The following ESRRB variants were observed in gnomAD, a reference collection of about 807,000 sequenced individuals.
ESRRB encodes the protein estrogen related receptor beta.
A neutral mutation model predicts 46.0 loss-of-function variants in ESRRB; 16 were observed. The observed-to-expected ratio is 0.35, with a 90% CI of 0.24 to 0.53. ESRRB has a LOEUF of 0.53. Ranked by LOEUF, ESRRB falls within the 20% of genes least tolerant of loss-of-function variation. The pLI, the probability that ESRRB is intolerant of heterozygous loss-of-function variation, is 0.93. For missense variants in ESRRB, 488 were observed against 607.4 expected (o/e 0.80, Z 2.07); for synonymous variants, 246 against 259.6 (o/e 0.95, Z 0.50).
rs112608367 is a variant in ESRRB at position 76,445,482 on chromosome 14, A to G, written c.460+5732A>G. ...ACTCCGTCTCAAAAAAAAAAAAAAA[A>G]AAAGAAAGAAAGAAAGAAAGAAAAG... On this transcript the variant is annotated intron_variant, in intron 2 of 6. Coordinates refer to ENST00000644823, the MANE Select transcript of ESRRB (RefSeq NM_001379180.1). 4.8e-3 allele frequency among the ~76,000 whole-genome samples: 575 copies of G among 120,028 alleles called. 4 individuals are homozygous for G. The highest frequency in any genetic ancestry group is 0.021 in the African/African-American group (491 of 23,098). 78.7% of individuals were successfully genotyped at this position (120,028 alleles called of 152,430 possible). A position where few individuals can be genotyped will look rare whatever the true frequency, so the allele number is the denominator to read the frequency against.
intron 1 of ESRRB, among the ~76,000 whole-genome samples, chr14:76,404,929 C>T (rs1264501307): frequency 1.8e-4 from 28 of 152,200 alleles, no homozygotes; most frequent in Non-Finnish European, 2.2e-4. Context: ...CCAGGAAGCC[C>T]CTCAGAAGGG....
intron 1 of ESRRB, among the ~76,000 whole-genome samples, chr14:76,332,024 C>T (rs930334454): frequency 4.6e-5 from 7 of 151,932 alleles, no homozygotes; most frequent in South Asian, 2.1e-4. Flanking sequence ...CCCTCCCCAA[C>T]CCCAATTTAC....
intron 1 of ESRRB, among the ~76,000 whole-genome samples, chr14:76,311,353 C>A (rs1484035740): frequency 6.6e-6 from 1 of 152,108 alleles, no homozygotes; most frequent in Non-Finnish European, 1.5e-5. Context: ...GGAAGGTTAC[C>A]CAAGAAGACC....
At chr14:76,335,884 C>T (rs192872972) in intron 1 of ESRRB, among the ~76,000 whole-genome samples, 47 of 152,272 alleles carry the variant, frequency 3.1e-4, no homozygotes, top group East Asian at 1.2e-3. Flanking sequence ...ACTTTGCTGG[C>T]GTAGTTAATA....
intron 1 of ESRRB, among the ~76,000 whole-genome samples, chr14:76,328,510 C>G (rs1170132422): frequency 2.0e-5 from 3 of 152,022 alleles, no homozygotes; most frequent in Non-Finnish European, 4.4e-5. Flanking sequence ...TGCCACCGTT[C>G]ATCTAAGGCC....
chr14:76,373,161 G>T (rs1227490090), upstream of ESRRB, among the ~76,000 whole-genome samples: 2 of 152,258 alleles, frequency 1.3e-5, no homozygotes, highest in East Asian at 3.9e-4. Flanking sequence ...TTTCCTTTTG[G>T]CTGACTTGCC....
chr14:76,396,028 C>T (rs1885664392), intron 1 of ESRRB, among the ~76,000 whole-genome samples: 1 of 152,060 alleles, frequency 6.6e-6, no homozygotes, highest in African/African-American at 2.4e-5. Context: ...CAAAAACTAG[C>T]TGGGCATGGT....
intron 2 of ESRRB, among the ~76,000 whole-genome samples, chr14:76,442,211 C>T (rs575570360): frequency 1.9e-4 from 29 of 152,270 alleles, no homozygotes; most frequent in African/African-American, 6.5e-4. Context: ...CGTGGTGGCT[C>T]ACGCCTGTAA....
chr14:76,386,559 C>T (rs755585009), intron 1 of ESRRB, among the ~76,000 whole-genome samples: 26 of 149,826 alleles, frequency 1.7e-4, no homozygotes, highest in East Asian at 2.0e-4. Context: ...CGGGTTCAAG[C>T]GATTCTCCTG....
intron 1 of ESRRB, among the ~76,000 whole-genome samples, chr14:76,329,055 G>A (rs908552167): frequency 6.6e-6 from 1 of 152,152 alleles, no homozygotes; most frequent in Non-Finnish European, 1.5e-5. Flanking sequence ...GAGTGGGAGG[G>A]TAAGAGAAGG....
intron 1 of ESRRB, among the ~76,000 whole-genome samples, chr14:76,353,254 A>G (rs1273627349): frequency 6.6e-6 from 1 of 152,172 alleles, no homozygotes; most frequent in Admixed American, 6.5e-5. Context: ...ACCTCAAAGG[A>G]GGGAGTTTAG....
chr14:76,424,528 G>C (rs1345312015), intron 1 of ESRRB, among the ~76,000 whole-genome samples: 1 of 152,172 alleles, frequency 6.6e-6, no homozygotes, highest in Non-Finnish European at 1.5e-5. Context: ...CTGTCCTTTG[G>C]GAATGCACAG....
At chr14:76,363,736 C>T (rs1884490742) in intron 1 of ESRRB, among the ~76,000 whole-genome samples, 1 of 152,168 alleles carries the variant, frequency 6.6e-6, no homozygotes, top group South Asian at 2.1e-4. Flanking sequence ...CATATTTCCC[C>T]AGTTATCTAC....
intron 1 of ESRRB, among the ~76,000 whole-genome samples, chr14:76,317,116 G>C (rs1883809999): frequency 6.6e-6 from 1 of 152,014 alleles, no homozygotes; most frequent in South Asian, 2.1e-4. Flanking sequence ...TTGGGTACGG[G>C]ATTCTTCCCA....
chr14:76,323,681 T>C (rs1202600753), intron 1 of ESRRB, among the ~76,000 whole-genome samples: 1 of 152,190 alleles, frequency 6.6e-6, no homozygotes, highest in East Asian at 1.9e-4. Context: ...GATGTGACAG[T>C]AGTTGCTCCT....
In ESRRB at chr14:76,427,359, G is replaced by A. The variant is rs150626417; in HGVS notation, c.51-11982G>A. 9.3e-5 allele frequency among the ~76,000 whole-genome samples: 14 copies of A among 150,238 alleles called. No individual in the cohort carries two copies. The East Asian group carries it at 2.6e-3, about 27-fold the overall frequency. On this transcript the variant is annotated intron_variant, in intron 1 of 6. Transcript: ENST00000644823. ...GCTGTGTGTGTGTGTGTGTGTGTGT[G>A]TATGTGTGTGTACGTGTACATGCAT... is the stretch of plus-strand genomic sequence containing the variant.
chr14:76,470,252 G>A (rs1019247486), intron 3 of ESRRB, among the ~76,000 whole-genome samples: 2 of 152,108 alleles, frequency 1.3e-5, no homozygotes, highest in Admixed American at 6.5e-5. Context: ...TCCAGGCCAC[G>A]CTAGGCTTCT....
chr14:76,472,540 C>A (rs1889414262), intron 3 of ESRRB, among the ~76,000 whole-genome samples: 1 of 152,238 alleles, frequency 6.6e-6, no homozygotes, highest in Admixed American at 6.5e-5. Flanking sequence ...CGGTGTGTCA[C>A]TGGGGTAAGA....
chr14:76,495,502 T>A (rs1209701088), intron 6 of ESRRB: 1 of 150,806 alleles, frequency 6.6e-6, no homozygotes, highest in Non-Finnish European at 1.5e-5. Flanking sequence ...CATGAGGCCC[T>A]CTTGCTATCA....
Sources: allele counts gnomAD v4.1 joint callset (sites outside exome capture counted in the v4.1 genomes callset), GRCh38; gene constraint gnomAD v4.1.1; transcripts MANE v1.5; gene names NCBI Gene and HGNC (gene_info 2026-07-23, HGNC 2026-07-21).